DONSON: variants seen among roughly 807,000 people sequenced by gnomAD.
DONSON encodes protein downstream neighbor of Son.
In DONSON, 43 loss-of-function variants were observed where a neutral mutation model predicts 62.1. That is an observed-to-expected ratio of 0.69 (90% CI 0.54 to 0.89). The LOEUF is 0.89. Ranked by LOEUF, DONSON falls within the 40% of genes least tolerant of loss-of-function variation. The pLI is 0.00. For missense variants in DONSON, 696 were observed against 697.5 expected (o/e 1.00, Z 0.03); for synonymous variants, 266 against 264.6 (o/e 1.01, Z -0.05).
chr21:33,587,049 T>C (rs1318459861), intron 2 of DONSON, among the ~76,000 whole-genome samples: 1 of 152,230 alleles, frequency 6.6e-6, no homozygotes, highest in Non-Finnish European at 1.5e-5. Flanking sequence ...AGAACTCTTC[T>C]AGCCTGTTCC....
intron 4 of DONSON, 31 bp downstream of exon 4, chr21:33,584,559 G>T: frequency 6.5e-7 from 1 of 1,536,784 alleles, no homozygotes; most frequent in South Asian, 1.2e-5. Context: ...ATTCACTATT[G>T]AATTATACAA....
intron 1 of DONSON, 37 bp downstream of exon 1, chr21:33,588,284 C>CT (rs2086604532): frequency 8.1e-7 from 1 of 1,237,116 alleles, no homozygotes; most frequent in Non-Finnish European, 1.0e-6. Flanking sequence ...CCACGAAAGA[C>CT]AAGAGCCCCT....
intron 3 of DONSON, 53 bp from the exon 4 acceptor site, chr21:33,584,821 T>C (rs2086560157): frequency 7.2e-7 from 1 of 1,380,844 alleles, no homozygotes; most frequent in East Asian, 2.4e-5. Flanking sequence ...AAATAGAGAA[T>C]TTTATTAAAG....
chr21:33,581,163 G>A (rs2086505643), intron 8 of DONSON, 139 bp downstream of exon 8: 3 of 714,828 alleles, frequency 4.2e-6, no homozygotes, highest in Non-Finnish European at 6.7e-6. Flanking sequence ...TATAATTTTT[G>A]TTTCTTTTTT....
rs932168555 is a variant in DONSON at position 33,579,371 on chromosome 21, T to G, written c.1542A>C (p.Gln514His). 1 of 1,606,178 alleles carries G rather than the reference T, an allele frequency of 6.2e-7. No individual in the cohort carries two copies. The highest frequency in any genetic ancestry group is 8.5e-7 in the Non-Finnish European group (1 of 1,174,122). The stretch of plus-strand genomic sequence containing the variant: ...TTACCATATCAAGTACTTTGTCCAT[T>G]TGCAGGCAGATGTTAAATACAGCAG... ...EPTAVFNICLQMDKVLDMEVV... is the reference protein window; with the variant it reads ...EPTAVFNICLHMDKVLDMEVV... Residue 514 changes from glutamine (Q) to histidine (H), a missense_variant, in exon 9 of 10, where the codon CAA becomes CAC. Coordinates refer to ENST00000303071, the MANE Select transcript of DONSON (RefSeq NM_017613.4).
rs1301868428 is a variant in DONSON, at chr21:33,581,420, A to C, written c.1232T>G (p.Leu411Trp). Residue 411 changes from leucine to tryptophan, a missense_variant, in exon 8 of 10, where the codon TTG (leucine) becomes TGG (tryptophan). Leu to Trp is a moderately conservative substitution (Grantham distance 61, BLOSUM62 -2). Coordinates refer to ENST00000303071, the MANE Select transcript of DONSON (RefSeq NM_017613.4). ...VLVKGINTFT[L>W]LNFLINSKSL... ...CTTAGAGTTAATCAAAAAATTGAGCAATGTAAAGGTGTTGATTCCTTTTAC... is the reference window on the plus strand; with the variant it reads ...CTTAGAGTTAATCAAAAAATTGAGCCATGTAAAGGTGTTGATTCCTTTTAC... The C allele has an allele frequency of 1.9e-6, 3 of 1,614,144 alleles. No homozygotes were observed. The highest frequency in any genetic ancestry group is 2.5e-6 in the Non-Finnish European group (3 of 1,180,016).
chr21:33,583,187 C>T (rs1490927627), intron 5 of DONSON, among the ~76,000 whole-genome samples: 2 of 53,428 alleles, frequency 3.7e-5, no homozygotes, highest in Non-Finnish European at 6.7e-5. Context: ...GGTGACAGAG[C>T]GAGTCTCCAT....
intron 3 of DONSON, among the ~76,000 whole-genome samples, 187 bp downstream of exon 3, chr21:33,585,791 G>C (rs1184333076): frequency 6.7e-6 from 1 of 148,984 alleles, no homozygotes; most frequent in African/African-American, 2.5e-5. Flanking sequence ...TACTCAATCT[G>C]ACTTAAAAAA....
At chr21:33,578,589 T>C (rs2086464147) in intron 9 of DONSON, 145 bp from the exon 10 acceptor site, 1 of 940,836 alleles carries the variant, frequency 1.1e-6, no homozygotes, top group Non-Finnish European at 1.5e-6. Context: ...AGAATTTTTG[T>C]AGTGACAAAA....
At chr21:33,580,235 GATAGATGA>G (rs765315540) in intron 8 of DONSON, among the ~76,000 whole-genome samples, 1 of 135,796 alleles carries the variant, frequency 7.4e-6, no homozygotes, top group South Asian at 2.5e-4. Context: ...TCTCTAAATA[GATAGATGA>G]ATGAATGAAT....
chr21:33,585,899 G>A, intron 3 of DONSON, 79 bp downstream of exon 3: 1 of 1,325,056 alleles, frequency 7.5e-7, no homozygotes, highest in Non-Finnish European at 1.1e-6. Context: ...ATGGAAGGCA[G>A]CATCTGCTAT....
intron 1 of DONSON, 22 bp downstream of exon 1, chr21:33,588,299 G>A: frequency 1.6e-6 from 2 of 1,254,744 alleles, no homozygotes; most frequent in Non-Finnish European, 2.0e-6. Flanking sequence ...GCCCCTTGGC[G>A]GCCAGGCTAC....
At chr21:33,580,742 C>A (rs1040382528) in intron 8 of DONSON, among the ~76,000 whole-genome samples, 1 of 151,724 alleles carries the variant, frequency 6.6e-6, no homozygotes, top group Non-Finnish European at 1.5e-5. Flanking sequence ...ATTAGCTGGG[C>A]GTGGTGGTGC....
chr21:33,582,446 T>A (rs574506401), intron 5 of DONSON, among the ~76,000 whole-genome samples, 200 bp from the exon 6 acceptor site: 2 of 152,316 alleles, frequency 1.3e-5, no homozygotes, highest in Non-Finnish European at 2.9e-5. Context: ...AAACAACACA[T>A]ACATGTAACA....
In DONSON at chr21:33,578,213, ACATTTCAGTATATTCCTTCAAC is replaced by A. The variant is rs2086458437; in HGVS notation, c.*72_*93del. 1 of 1,356,192 alleles carries A rather than the reference ACATTTCAGTATATTCCTTCAAC, an allele frequency of 7.4e-7. No homozygotes were observed. Among genetic ancestry groups the A allele is most frequent in the African/African-American group, 1.5e-5 (1 of 68,530 alleles). The allele number at this position is 1,356,192 out of a possible 1,614,324, so 84.0% of individuals were successfully genotyped here. A position where few individuals can be genotyped will look rare whatever the true frequency, so the allele number is the denominator to read the frequency against. ...ACTGTAGTAAAAGTTATGTTTATAA[ACATTTCAGTATATTCCTTCAAC>A]TTCAAGAATCTTGAATTTCCTTGCT... On this transcript the variant is annotated 3_prime_UTR_variant, in exon 10 of 10. Transcript: ENST00000303071.
Position 33,584,776 on chromosome 21 carries a change from C to T in DONSON, c.607-8G>A, listed in dbSNP as rs746556352. 1 of 1,490,962 alleles carries T rather than the reference C, an allele frequency of 6.7e-7. No individual in the cohort carries two copies. Among genetic ancestry groups the T allele is most frequent in the African/African-American group, 1.4e-5 (1 of 71,676 alleles). The allele number at this position is 1,490,962 out of a possible 1,614,324, so 92.4% of individuals were successfully genotyped here. On this transcript the variant is annotated splice_polypyrimidine_tract_variant and splice_region_variant and intron_variant, in intron 3 of 9. Coordinates refer to ENST00000303071, the MANE Select transcript of DONSON (RefSeq NM_017613.4). ...AGAGGAGAGTTTGGGATCCTAAAAT[C>T]CAAAGGTGACAGTGGGCAGTTTTTG...
At chr21:33,583,983 G>A (rs1208743970) in intron 4 of DONSON, among the ~76,000 whole-genome samples, 1 of 140,888 alleles carries the variant, frequency 7.1e-6, no homozygotes, top group African/African-American at 2.6e-5. Flanking sequence ...AGACTGACAA[G>A]AAGTAGCATT....
chr21:33,583,225 A>AAAAAAAAAAT (rs1209982782), intron 5 of DONSON, among the ~76,000 whole-genome samples: 1 of 139,898 alleles, frequency 7.1e-6, no homozygotes, highest in African/African-American at 2.7e-5. Context: ...AAAAAAAAAA[A>AAAAAAAAAAT]GAATGATCAT....
intron 3 of DONSON, among the ~76,000 whole-genome samples, chr21:33,585,270 G>C (rs2086564593): frequency 6.6e-6 from 1 of 152,040 alleles, no homozygotes; most frequent in Non-Finnish European, 1.5e-5. Context: ...ACTGAGGCTA[G>C]AGTACAGTGG....
Sources: allele counts gnomAD v4.1 joint callset (sites outside exome capture counted in the v4.1 genomes callset), GRCh38; gene constraint gnomAD v4.1.1; transcripts MANE v1.5; gene names NCBI Gene and HGNC (gene_info 2026-07-23, HGNC 2026-07-21).